Variants in FANCA observed in about 807,000 individuals in gnomAD.
FANCA encodes the protein Fanconi anemia group A protein.
FANCA carries 236 observed loss-of-function variants against 194.3 expected under a neutral mutation model. The ratio of observed to expected loss-of-function variants is 1.21; its 90% CI spans 1.09 to 1.35. FANCA has a LOEUF of 1.35. Ranked by LOEUF, FANCA falls within the 40% of genes most tolerant of loss-of-function variation. The pLI is 0.00. For missense variants in FANCA, 2,628 were observed against 1,813.9 expected, an observed-to-expected ratio of 1.45 and a Z score of -8.15; for synonymous variants, 1,014 against 715.8, an observed-to-expected ratio of 1.42 and a Z score of -6.65.
intron 14 of FANCA, among the ~76,000 whole-genome samples, chr16:89,788,901 A>G (rs1182139603): frequency 2.0e-5 from 3 of 152,308 alleles, no homozygotes; most frequent in Non-Finnish European, 4.4e-5. Flanking sequence ...AGTTGATTTG[A>G]AAAGGTAAAA....
rs781019889 is a variant in FANCA, at chr16:89,769,878, G to C, written c.2463C>G (p.Leu821=). The C allele has an allele frequency of 3.7e-6, 6 of 1,614,152 alleles. No homozygotes were observed. The highest frequency in any genetic ancestry group is 5.1e-6 in the Non-Finnish European group (6 of 1,180,040). Residue 821 remains leucine (L), a synonymous_variant, in exon 26 of 43, where the codon CTC becomes CTG. Coordinates refer to ENST00000389301, the MANE Select transcript of FANCA (RefSeq NM_000135.4). ...GLPVPALFDS[L]LTCRTRDSLF... Reference sequence around the variant, plus strand: ...AGGAATCCCTCGTCCTACAGGTCAGGAGGCTGTCAAAGAGCGCAGGGACAG... The same window carrying C: ...AGGAATCCCTCGTCCTACAGGTCAGCAGGCTGTCAAAGAGCGCAGGGACAG...
intron 27 of FANCA, among the ~76,000 whole-genome samples, chr16:89,765,667 T>C (rs1171505848): frequency 1.3e-5 from 2 of 152,270 alleles, no homozygotes; most frequent in African/African-American, 4.8e-5. Flanking sequence ...CTATTGGTGC[T>C]GCGTGACCGT....
At chr16:89,802,322 T>C (rs993488584) in intron 8 of FANCA, among the ~76,000 whole-genome samples, 1 of 151,714 alleles carries the variant, frequency 6.6e-6, no homozygotes, top group Non-Finnish European at 1.5e-5. Flanking sequence ...AGGCTGGTCT[T>C]GAACTCCTGA....
chr16:89,743,268 C>A (rs778708396), intron 36 of FANCA, among the ~76,000 whole-genome samples: 2 of 152,194 alleles, frequency 1.3e-5, no homozygotes, highest in Non-Finnish European at 2.9e-5. Context: ...CCTCAGTTGC[C>A]CATGCCTGGC....
intron 7 of FANCA, among the ~76,000 whole-genome samples, chr16:89,804,458 T>G (rs1478524449): frequency 2.0e-5 from 3 of 151,728 alleles, no homozygotes; most frequent in Non-Finnish European, 4.4e-5. Flanking sequence ...CGTCCAGGAG[T>G]GCGCTGAATA....
In FANCA at chr16:89,738,671, C is replaced by T. The variant is rs747310276; in HGVS notation, c.4298G>A (p.Ser1433Asn). ...CTGCTGTCTGCTCTGGAGGGCGGCG[C>T]TCACCTCTGGGTCGCAGTCCCCACG... is the stretch of plus-strand genomic sequence containing the variant. ...ADRGDCDPEV[S>N]AALQSRQQAA... Residue 1433 changes from serine (S) to asparagine (N), a missense_variant, in exon 43 of 43, where the codon AGC (serine) becomes AAC (asparagine). Ser to Asn is a conservative substitution (Grantham distance 46). Coordinates refer to ENST00000389301, the MANE Select transcript of FANCA (RefSeq NM_000135.4). The T allele has an allele frequency of 8.1e-6, 13 of 1,613,792 alleles. No individual in the cohort carries two copies. The South Asian group carries it at 1.4e-4, about 18-fold the overall frequency.
intron 32 of FANCA, 37 bp from the exon 33 acceptor site, chr16:89,748,804 G>T: frequency 6.4e-7 from 1 of 1,550,544 alleles, no homozygotes; most frequent in Non-Finnish European, 8.9e-7. Context: ...CGACAGCACA[G>T]CGTACACTCT....
chr16:89,802,042 T>C (rs889395659), intron 8 of FANCA, among the ~76,000 whole-genome samples: 1 of 152,192 alleles, frequency 6.6e-6, no homozygotes, highest in Non-Finnish European at 1.5e-5. Flanking sequence ...AGCCAAGATA[T>C]GAAATCAACC....
In FANCA at chr16:89,775,802, G is replaced by A. The variant is rs1248172249; in HGVS notation, c.1840C>T (p.Pro614Ser). Residue 614 changes from proline to serine, a missense_variant, in exon 21 of 43, where the codon CCC (proline) becomes TCC (serine). By Grantham distance (74) the Pro-to-Ser change is moderately conservative. Coordinates refer to ENST00000389301, the MANE Select transcript of FANCA (RefSeq NM_000135.4). ...IESLKRADKI[P>S]PSLYSTYCQA... ...CAGTAGGTGGAGTACAGAGATGGGGGGATTTTATCTGCTCTGGATCACAGG... is the reference window on the plus strand; with the variant it reads ...CAGTAGGTGGAGTACAGAGATGGGGAGATTTTATCTGCTCTGGATCACAGG... 19 of 1,611,362 alleles carry A rather than the reference G, an allele frequency of 1.2e-5. No individual in the cohort carries two copies. The highest frequency in any genetic ancestry group is 4.5e-5 in the East Asian group (2 of 44,856).
chr16:89,769,605 A>G, intron 26 of FANCA: 1 of 590,852 alleles, frequency 1.7e-6, no homozygotes, highest in South Asian at 2.0e-5. Flanking sequence ...TCTACTATTA[A>G]TTTCAGCAGT....
chr16:89,752,394 C>G (rs2038627435), intron 30 of FANCA, among the ~76,000 whole-genome samples, 172 bp from the exon 31 acceptor site: 1 of 152,162 alleles, frequency 6.6e-6, no homozygotes, highest in Admixed American at 6.5e-5. Flanking sequence ...CCAACCCCAA[C>G]CTAGGAAATA....
rs745958661 is a variant in FANCA, at chr16:89,738,900, G to A, written c.4242C>T (p.Ser1414=). Residue 1414 remains serine, a synonymous_variant, in exon 42 of 43, where the codon AGC becomes AGT. Transcript: ENST00000389301. The part of the protein sequence containing the change: ...LQLIPRCPKK[S]FSHVAELLAD... ...ACGTTACCTCTGCCACGTGTGAGAA[G>A]CTCTTTTTCGGGCACCGAGGTATTA... 1 of 1,614,140 alleles carries A rather than the reference G, an allele frequency of 6.2e-7. No individual in the cohort carries two copies. The highest frequency in any genetic ancestry group is 1.7e-5 in the Admixed American group (1 of 60,008).
chr16:89,752,335 AC>A, intron 30 of FANCA, 113 bp from the exon 31 acceptor site: 1 of 867,296 alleles, frequency 1.2e-6, no homozygotes, highest in South Asian at 1.3e-5. Flanking sequence ...TGACAGTGTG[AC>A]CCTCACATTA....
intron 29 of FANCA, among the ~76,000 whole-genome samples, chr16:89,761,349 G>T (rs1333353323): frequency 6.6e-6 from 1 of 151,434 alleles, no homozygotes; most frequent in African/African-American, 2.4e-5. Flanking sequence ...AACCCGGGAG[G>T]TGGAGGTTGC....
chr16:89,753,170 A>G (rs7200403), intron 30 of FANCA, among the ~76,000 whole-genome samples: 66,820 of 152,134 alleles, frequency 0.44, 15,884 homozygotes, highest in East Asian at 0.76. Context: ...TCTCTGCCTC[A>G]GCTGCCAGGC....
intron 18 of FANCA, 126 bp from the exon 19 acceptor site, chr16:89,779,129 G>C: frequency 1.2e-6 from 1 of 863,802 alleles, no homozygotes. Context: ...GCATTATGAA[G>C]TCTTCTTGTG....
chr16:89,743,722 C>CT (rs1567599151), intron 36 of FANCA, among the ~76,000 whole-genome samples: 1 of 151,984 alleles, frequency 6.6e-6, no homozygotes, highest in African/African-American at 2.4e-5. Context: ...ACTCAGGAGA[C>CT]TGAGGCAGGA....
At chr16:89,758,449 T>C (rs1163752190) in intron 30 of FANCA, 128 bp downstream of exon 30, 5 of 1,069,714 alleles carry the variant, frequency 4.7e-6, no homozygotes, top group South Asian at 3.8e-5. Context: ...CATTTGGGTA[T>C]AGGCTGGGAA....
chr16:89,739,618 A>C (rs2151713304), intron 39 of FANCA, 65 bp from the exon 40 acceptor site: 1 of 1,530,732 alleles, frequency 6.5e-7, no homozygotes. Flanking sequence ...TGCTGGGGAC[A>C]CCCCTGGGGG....
Sources: allele counts gnomAD v4.1 joint callset (sites outside exome capture counted in the v4.1 genomes callset), GRCh38; gene constraint gnomAD v4.1.1; transcripts MANE v1.5; gene names NCBI Gene and HGNC (gene_info 2026-07-23, HGNC 2026-07-21).